Variants in RAP1B observed in about 807,000 individuals in gnomAD.
RAP1B encodes the protein RAP1B, member of RAS oncogene family, also known as ras-related protein Rap-1b.
RAP1B carries 1 observed loss-of-function variant against 27.5 expected under a neutral mutation model. That is an observed-to-expected ratio of 0.04 (90% confidence interval 0.01 to 0.17). The LOEUF is 0.17. Ranked by LOEUF, RAP1B falls within the 10% of genes least tolerant of loss-of-function variation. The pLI, the probability that RAP1B is intolerant of heterozygous loss-of-function variation, is 1.00. For missense variants in RAP1B, 84 were observed against 214.8 expected, an observed-to-expected ratio of 0.39 and a Z score of 3.81; for synonymous variants, 75 against 73.1, an observed-to-expected ratio of 1.03 and a Z score of -0.13.
rs1874778633 is a variant in RAP1B, at chr12:68,664,763, T to C, written c.*5514T>C. The C allele has an allele frequency of 6.6e-6, 1 of 152,124 alleles. No individual in the cohort carries two copies. Among genetic ancestry groups the C allele is most frequent in the South Asian group, 2.1e-4 (1 of 4,832 alleles). 9.4% of individuals were successfully genotyped at this position (152,124 alleles called of 1,614,324 possible). ...GCTGGCAAGGTGTTTAACAAGTCAA[T>C]GATGGGAAAGACCAGTCAAATAAAC... On this transcript the variant is annotated 3_prime_UTR_variant, in exon 8 of 8. Transcript: ENST00000250559.
At chr12:68,617,888 C>G (rs936263194) in intron 1 of RAP1B, among the ~76,000 whole-genome samples, 3 of 152,032 alleles carry the variant, frequency 2.0e-5, no homozygotes, top group African/African-American at 7.2e-5. Context: ...CTCAGCTCCC[C>G]AAGTAGCTGG....
chr12:68,660,010 A>G lies in RAP1B; in HGVS notation c.*761A>G, dbSNP rs1874511451. 7.2e-6 allele frequency: 1 copy of G among 139,656 alleles called. No homozygotes were observed. The highest frequency in any genetic ancestry group is 1.5e-5 in the Non-Finnish European group (1 of 65,482). 8.7% of individuals were successfully genotyped at this position (139,656 alleles called of 1,614,324 possible). On this transcript the variant is annotated 3_prime_UTR_variant, in exon 8 of 8. Transcript: ENST00000250559. ...AGTGGGGGTCTACAACAAGAAGTGT[A>G]TATTTTCAAACAATTTTTTAATGAT...
At chr12:68,632,170 T>G (rs1478169449) in intron 1 of RAP1B, among the ~76,000 whole-genome samples, 1 of 150,324 alleles carries the variant, frequency 6.7e-6, no homozygotes, top group African/African-American at 2.5e-5. Context: ...TCCAGACTGT[T>G]TGGCTGTCAC....
intron 1 of RAP1B, among the ~76,000 whole-genome samples, chr12:68,612,679 G>A (rs1349353300): frequency 6.6e-6 from 1 of 152,198 alleles, no homozygotes; most frequent in African/African-American, 2.4e-5. Flanking sequence ...AACCACTTGA[G>A]TAGTTTCATC....
At position 68,662,035 on chromosome 12, in the gene RAP1B, A is replaced by AAT. The variant is rs1555174199; in HGVS notation, c.*2786_*2787insAT. The AAT allele has an allele frequency of 5.3e-5, 7 of 132,838 alleles. No individual in the cohort carries two copies. Among genetic ancestry groups the AAT allele is most frequent in the Non-Finnish European group, 1.2e-4 (7 of 59,874 alleles). The allele number at this position is 132,838 out of a possible 1,614,324, so 8.2% of individuals were successfully genotyped here. On this transcript the variant is annotated 3_prime_UTR_variant, in exon 8 of 8. Transcript: ENST00000250559. ...ATATATATATATATATATATATATT[A>AAT]TATATAGTACATATATAGAGAGAGT...
At chr12:68,627,250 C>T in intron 1 of RAP1B, 1 of 1,192,158 alleles carries the variant, frequency 8.4e-7, no homozygotes, top group South Asian at 1.2e-5. Flanking sequence ...CTCCAGGGTC[C>T]CTTAGAGCAA....
intron 1 of RAP1B, among the ~76,000 whole-genome samples, chr12:68,643,913 C>T (rs1375928322): frequency 6.6e-6 from 1 of 152,072 alleles, no homozygotes; most frequent in Non-Finnish European, 1.5e-5. Flanking sequence ...CCTATCCCCC[C>T]ACCTTGTCAT....
intron 5 of RAP1B, among the ~76,000 whole-genome samples, chr12:68,655,565 T>A (rs1299494944): frequency 6.9e-6 from 1 of 145,584 alleles, no homozygotes; most frequent in Non-Finnish European, 1.5e-5. Flanking sequence ...AGACGGAGTC[T>A]CACCCTGTCG....
At chr12:68,619,362 C>A (rs1364610192) in intron 1 of RAP1B, among the ~76,000 whole-genome samples, 1 of 152,112 alleles carries the variant, frequency 6.6e-6, no homozygotes, top group Non-Finnish European at 1.5e-5. Context: ...GTATCAGCTG[C>A]TGTAAGTATA....
chr12:68,611,465 C>G (rs373266198), intron 1 of RAP1B, among the ~76,000 whole-genome samples: 1 of 151,718 alleles, frequency 6.6e-6, no homozygotes, highest in East Asian at 2.0e-4. Context: ...CGCTTGTCGC[C>G]TGGGTTCCCT....
At chr12:68,627,189 C>T in intron 1 of RAP1B, 1 of 1,545,460 alleles carries the variant, frequency 6.5e-7, no homozygotes, top group East Asian at 2.2e-5. Flanking sequence ...TTGGAACCTA[C>T]ACTGGGGTAG....
intron 1 of RAP1B, among the ~76,000 whole-genome samples, chr12:68,620,587 C>A (rs1248518835): frequency 6.6e-6 from 1 of 150,810 alleles, no homozygotes; most frequent in Non-Finnish European, 1.5e-5. Flanking sequence ...GGGATAAGTC[C>A]AAATTTTATT....
At chr12:68,639,479 G>T (rs1317803310) in intron 1 of RAP1B, among the ~76,000 whole-genome samples, 2 of 152,196 alleles carry the variant, frequency 1.3e-5, no homozygotes, top group Non-Finnish European at 2.9e-5. Context: ...TAAAGTATTT[G>T]GTATAACTTG....
chr12:68,613,387 C>CT (rs1217757584), intron 1 of RAP1B, among the ~76,000 whole-genome samples: 2 of 86,762 alleles, frequency 2.3e-5, no homozygotes, highest in Non-Finnish European at 4.9e-5. Context: ...CTAGACCTGT[C>CT]TTAAAAAAAA....
At chr12:68,615,320 T>A (rs755650935) in intron 1 of RAP1B, among the ~76,000 whole-genome samples, 8 of 152,292 alleles carry the variant, frequency 5.3e-5, no homozygotes, top group Non-Finnish European at 7.4e-5. Flanking sequence ...CAGTTTTTTT[T>A]AATTTAAATT....
chr12:68,632,134 T>G (rs1183107737), intron 1 of RAP1B, among the ~76,000 whole-genome samples: 8 of 132,996 alleles, frequency 6.0e-5, no homozygotes, highest in Admixed American at 2.9e-4. Context: ...GATTTGTTTT[T>G]TTTTTTTTTT....
intron 1 of RAP1B, among the ~76,000 whole-genome samples, chr12:68,630,111 C>G (rs79319444): frequency 8.3e-4 from 127 of 152,286 alleles, no homozygotes; most frequent in African/African-American, 2.9e-3. Context: ...CACTTAGCTA[C>G]AGGTAGCTGT....
intron 1 of RAP1B, 100 bp downstream of exon 1, chr12:68,611,143 G>C (rs984562327): frequency 6.8e-6 from 1 of 147,894 alleles, no homozygotes; most frequent in African/African-American, 2.5e-5. Context: ...GGCGAGGCGC[G>C]GGCCGGGCGC....
At chr12:68,648,614 A>C (rs531586289) in intron 1 of RAP1B, 85 bp from the exon 2 acceptor site, 1 of 1,088,158 alleles carries the variant, frequency 9.2e-7, no homozygotes, top group Non-Finnish European at 1.3e-6. Flanking sequence ...AAATAAATCT[A>C]TTTTCCTGAA....
Sources: gnomAD v4.1 joint callset for allele counts (sites outside exome capture counted in the v4.1 genomes callset) on GRCh38, gnomAD v4.1.1 for gene constraint, MANE v1.5 for transcripts, NCBI Gene and HGNC (gene_info 2026-07-23, HGNC 2026-07-21) for gene names.